The following MED13 variants were observed in gnomAD, a reference collection of about 807,000 sequenced individuals.
MED13 encodes mediator of RNA polymerase II transcription subunit 13.
A neutral mutation model predicts 225.2 loss-of-function variants in MED13; 23 were observed. The ratio of observed to expected loss-of-function variants is 0.10; its 90% CI spans 0.07 to 0.14. The LOEUF (loss-of-function observed/expected upper bound fraction) is 0.14. MED13 is among the 10% of genes least tolerant of loss of function. MED13 has a pLI of 1.00. For synonymous variants in MED13, 942 were observed against 889.2 expected (o/e 1.06, Z -1.06); for missense variants, 2,197 against 2,594.5 (o/e 0.85, Z 3.33).
intron 12 of MED13, among the ~76,000 whole-genome samples, chr17:61,985,976 A>G (rs2080244024): frequency 2.0e-5 from 3 of 152,234 alleles, no homozygotes; most frequent in Admixed American, 2.0e-4. Flanking sequence ...AAGTTTTACT[A>G]TCTCCAAGCT....
intron 17 of MED13, among the ~76,000 whole-genome samples, chr17:61,972,364 C>T (rs1372921162): frequency 1.3e-5 from 2 of 152,054 alleles, no homozygotes; most frequent in Admixed American, 6.6e-5. Flanking sequence ...TAGTATAACC[C>T]TCATTTCCCA....
intron 3 of MED13, among the ~76,000 whole-genome samples, chr17:62,050,620 T>C (rs375720850): frequency 6.6e-6 from 1 of 152,212 alleles, no homozygotes; most frequent in African/African-American, 2.4e-5. Context: ...AAGGGCTGCT[T>C]CTGAGGAGCA....
At chr17:62,026,723 A>T (rs1038155929) in intron 8 of MED13, among the ~76,000 whole-genome samples, 1 of 152,178 alleles carries the variant, frequency 6.6e-6, no homozygotes, top group Non-Finnish European at 1.5e-5. Flanking sequence ...TCAGCTGATA[A>T]ACAACTTCAG....
chr17:61,946,804 T>C (rs1488353808), intron 29 of MED13, 113 bp downstream of exon 29: 1 of 1,092,594 alleles, frequency 9.2e-7, no homozygotes, highest in African/African-American at 1.6e-5. Context: ...TATCTAGAGA[T>C]CCACTGGTAC....
In MED13 at chr17:62,035,751, A is replaced by G. The variant is rs540016842; in HGVS notation, c.471-143T>C. ...TTCATCAGAAGAAAAAAAATCATGG[A>G]TATGAGCAAAGACTTAGCTATAAGA... is the stretch of plus-strand genomic sequence containing the variant. On this transcript the variant is annotated intron_variant, in intron 3 of 29. Transcript: ENST00000397786. The G allele has an allele frequency of 1.5e-4, 104 of 699,966 alleles. No homozygotes were observed. In the African/African-American group the frequency reaches 1.7e-3, roughly 11 times the overall value. 43.4% of individuals were successfully genotyped at this position (699,966 alleles called of 1,614,324 possible). A position where few individuals can be genotyped will look rare whatever the true frequency, so the allele number is the denominator to read the frequency against.
rs746643753 is a variant in MED13, at chr17:62,015,783, A to C, written c.1284-4550T>G. Among the ~76,000 whole-genome samples the C allele has an allele frequency of 2.2e-4, 31 of 138,388 alleles. 1 individual carries two copies. Among genetic ancestry groups the C allele is most frequent in the Non-Finnish European group, 3.4e-4 (22 of 64,756 alleles). The allele number at this position is 138,388 out of a possible 152,430, so 90.8% of individuals were successfully genotyped here. A position where few individuals can be genotyped will look rare whatever the true frequency, so the allele number is the denominator to read the frequency against. On this transcript the variant is annotated intron_variant, in intron 8 of 29. Transcript: ENST00000397786. Reference sequence around the variant, plus strand: ...ATATAGATATACACACACTATATATATATACACACACACTATATATATCTA... The same window carrying C: ...ATATAGATATACACACACTATATATCTATACACACACACTATATATATCTA...
intron 8 of MED13, among the ~76,000 whole-genome samples, chr17:62,027,199 A>G (rs2080710722): frequency 1.3e-5 from 2 of 152,226 alleles, no homozygotes; most frequent in African/African-American, 4.8e-5. Flanking sequence ...ATAGGACTAC[A>G]GTTACCAAAA....
intron 11 of MED13, among the ~76,000 whole-genome samples, chr17:61,991,357 G>T (rs987973563): frequency 2.0e-5 from 3 of 151,626 alleles, no homozygotes; most frequent in African/African-American, 7.3e-5. Flanking sequence ...GACCTCAGGT[G>T]ATCCACCTGC....
At chr17:61,968,337 A>G in intron 17 of MED13, 79 bp from the exon 18 acceptor site, 1 of 1,040,354 alleles carries the variant, frequency 9.6e-7, no homozygotes, top group Non-Finnish European at 1.3e-6. Context: ...TTATTTATTT[A>G]TTTTTTGAGA....
intron 16 of MED13, among the ~76,000 whole-genome samples, chr17:61,977,587 G>A (rs2080168302): frequency 1.3e-5 from 2 of 152,128 alleles, no homozygotes; most frequent in African/African-American, 4.8e-5. Context: ...GAGTAGCTGG[G>A]ACTACAGGTG....
rs781543884 is a variant in MED13 at position 62,035,573 on chromosome 17, T to C, written c.506A>G (p.His169Arg). The C allele has an allele frequency of 1.2e-6, 2 of 1,613,660 alleles. No individual in the cohort carries two copies. The highest frequency in any genetic ancestry group is 1.3e-5 in the African/African-American group (1 of 75,018). The change falls in exon 4 of 30, where the codon CAT (histidine) becomes CGT (arginine). Residue 169 changes from histidine to arginine, a missense_variant. His to Arg is a conservative substitution (Grantham distance 29, BLOSUM62 0). This residue lies in a region of MED13 where 884 missense variants were observed against 918.5 expected (regional missense o/e 0.96). Transcript: ENST00000397786. The stretch of plus-strand genomic sequence containing the variant: ...ACTGGTACAAACATTGCTGTCTCCA[T>C]GCAAGAAAAAGGTGAAGGAGCAGGA... ...HLSCSFTFFL[H>R]GDSNVCTSVE...
intron 10 of MED13, among the ~76,000 whole-genome samples, chr17:61,994,032 C>T (rs991572004): frequency 6.6e-6 from 1 of 150,412 alleles, no homozygotes; most frequent in African/African-American, 2.4e-5. Context: ...CGGAGTATTG[C>T]TCTGTCACCA....
chr17:62,063,406 G>C, intron 1 of MED13, 105 bp from the exon 2 acceptor site: 1 of 724,712 alleles, frequency 1.4e-6, no homozygotes, highest in African/African-American at 1.7e-5. Flanking sequence ...ATTTTTCAAT[G>C]TATGCTTGAG....
chr17:62,014,330 A>ATATATATATT (rs1490406726), intron 8 of MED13, among the ~76,000 whole-genome samples: 106 of 149,224 alleles, frequency 7.1e-4, no homozygotes, highest in African/African-American at 2.6e-3. Flanking sequence ...ATATATATAT[A>ATATATATATT]TTTTGAGACA....
chr17:61,994,203 T>C (rs1296633390), intron 10 of MED13, among the ~76,000 whole-genome samples: 1 of 152,120 alleles, frequency 6.6e-6, no homozygotes, highest in East Asian at 1.9e-4. Context: ...TTCACCATCT[T>C]GGCCAGGCTG....
rs58261678 is a variant in MED13, at chr17:61,998,596, C to CTTT, written c.1968-3234_1968-3232dup. Among the ~76,000 whole-genome samples, 333 of 115,504 alleles carry CTTT rather than the reference C, an allele frequency of 2.9e-3. 5 individuals carry two copies. Among genetic ancestry groups the CTTT allele is most frequent in the African/African-American group, 9.7e-3 (277 of 28,462 alleles). The allele number at this position is 115,504 out of a possible 152,430, so 75.8% of individuals were successfully genotyped here. ...AATAATGTCAAAATCTTCCCACCGC[C>CTTT]TTTTTTTTTTTTTTTTTTTTTTTGA... On this transcript the variant is annotated intron_variant, in intron 9 of 29. Coordinates refer to ENST00000397786, the MANE Select transcript of MED13 (RefSeq NM_005121.3).
intron 3 of MED13, among the ~76,000 whole-genome samples, chr17:62,048,915 G>C (rs1208872754): frequency 6.6e-6 from 1 of 151,988 alleles, no homozygotes; most frequent in East Asian, 1.9e-4. Flanking sequence ...TCTATACCCA[G>C]TCAAAACTAT....
At chr17:62,016,396 GCAT>G (rs2080581835) in intron 8 of MED13, among the ~76,000 whole-genome samples, 1 of 152,040 alleles carries the variant, frequency 6.6e-6, no homozygotes, top group African/African-American at 2.4e-5. Context: ...ATAAGGAGAT[GCAT>G]CCCCCTCATC....
intron 3 of MED13, among the ~76,000 whole-genome samples, chr17:62,052,066 T>C (rs528636106): frequency 1.3e-5 from 2 of 152,276 alleles, no homozygotes; most frequent in African/African-American, 2.4e-5. Flanking sequence ...AATGGTCTTA[T>C]ATAGAAAACA....
Sources: gnomAD v4.1 joint callset for allele counts (sites outside exome capture counted in the v4.1 genomes callset) on GRCh38, gnomAD v4.1.1 for gene constraint, gnomAD v4.1.1 regional missense constraint, MANE v1.5 for transcripts, NCBI Gene and HGNC (gene_info 2026-07-23, HGNC 2026-07-21) for gene names.